TBCD: variants seen among roughly 807,000 people sequenced by gnomAD.
TBCD encodes the protein tubulin-specific chaperone D.
TBCD carries 105 observed loss-of-function variants against 169.3 expected under a neutral mutation model. The observed-to-expected ratio is 0.62, with a 90% CI of 0.53 to 0.73. The LOEUF is 0.73. Ranked by LOEUF, TBCD falls within the 30% of genes least tolerant of loss-of-function variation. The pLI is 0.00. For synonymous variants in TBCD, 700 were observed against 643.9 expected, an observed-to-expected ratio of 1.09 and a Z score of -1.32; for missense variants, 1,444 against 1,600.1, an observed-to-expected ratio of 0.90 and a Z score of 1.66.
At chr17:82,793,356 C>T (rs1010665281) in intron 7 of TBCD, among the ~76,000 whole-genome samples, 3 of 152,176 alleles carry the variant, frequency 2.0e-5, no homozygotes, top group East Asian at 1.9e-4. Context: ...TGTTTCTGAG[C>T]GCTCTCCCGT....
In TBCD at chr17:82,789,293, C is replaced by A. The variant is rs1454610962; in HGVS notation, c.771+7572C>A. On this transcript the variant is annotated intron_variant, in intron 7 of 38. Transcript: ENST00000355528. The surrounding 1 kb of genome is among the most constrained non-coding windows in gnomAD (Gnocchi z 4.8). ...GGCGGGCACAGTGCCGTGAGTCTTA[C>A]AGAAACCTGCATGGTGAGCCGCACG... Among the ~76,000 whole-genome samples, 3 of 152,236 alleles carry A rather than the reference C, an allele frequency of 2.0e-5. No homozygotes were observed. Among genetic ancestry groups the A allele is most frequent in the African/African-American group, 7.2e-5 (3 of 41,464 alleles).
rs2053455089 is a variant in TBCD, at chr17:82,831,006, G to T, written c.1318+16072G>T. The T allele has an allele frequency of 3.1e-6, 5 of 1,613,826 alleles. No individual in the cohort carries two copies. Among genetic ancestry groups the T allele is most frequent in the Non-Finnish European group, 4.2e-6 (5 of 1,180,010 alleles). Reference sequence around the variant, plus strand: ...ACATTCCCTTGGAGGTTTTGAAAATGACATTTTCTTACCTTACTGGAGACT... The same window carrying T: ...ACATTCCCTTGGAGGTTTTGAAAATTACATTTTCTTACCTTACTGGAGACT... On this transcript the variant is annotated intron_variant, in intron 13 of 38. Transcript: ENST00000355528. This position sits in a 1 kb window ranked among gnomAD's most constrained non-coding sequence, Gnocchi z 4.6.
At chr17:82,796,929 G>C (rs1436169562) in intron 7 of TBCD, among the ~76,000 whole-genome samples, 1 of 152,216 alleles carries the variant, frequency 6.6e-6, no homozygotes, top group Non-Finnish European at 1.5e-5. Flanking sequence ...CGTGTGGTGG[G>C]CGACAGCAGG....
chr17:82,943,962 C>T lies in TBCD; in HGVS notation c.*1499C>T, dbSNP rs72861593. 0.11 allele frequency: 15,992 copies of T among 152,256 alleles called. 1,110 individuals are homozygous for T. The highest frequency in any genetic ancestry group is 0.25 in the South Asian group (1,225 of 4,810). The allele number at this position is 152,256 out of a possible 1,614,324, so 9.4% of individuals were successfully genotyped here. A position where few individuals can be genotyped will look rare whatever the true frequency, so the allele number is the denominator to read the frequency against. On this transcript the variant is annotated 3_prime_UTR_variant, in exon 39 of 39. Coordinates refer to ENST00000355528, the MANE Select transcript of TBCD (RefSeq NM_005993.5). The stretch of plus-strand genomic sequence containing the variant: ...GCTTGGCTCCTGTGGTCGGCACACA[C>T]GAGACTCTGGTTGCGCCTGCTGGGT...
chr17:82,859,625 CAA>C (rs2056600103), intron 13 of TBCD: 2 of 985,448 alleles, frequency 2.0e-6, no homozygotes, highest in Non-Finnish European at 1.2e-6. Context: ...GTAGTGAGGA[CAA>C]AGAGTGGAGG....
intron 14 of TBCD, chr17:82,877,018 T>C (rs779037474): frequency 2.4e-4 from 237 of 969,792 alleles, no homozygotes; most frequent in Non-Finnish European, 2.8e-4. Context: ...TCTTCTCTTT[T>C]TTCCATTCTT....
chr17:82,899,320 C>T (rs569527504), intron 17 of TBCD, among the ~76,000 whole-genome samples: 5 of 147,132 alleles, frequency 3.4e-5, no homozygotes, highest in South Asian at 2.2e-4. Flanking sequence ...GTGTCCTCAG[C>T]GCGCGCGTCC....
At chr17:82,772,296 G>GT (rs904299766) in intron 5 of TBCD, among the ~76,000 whole-genome samples, 156 bp from the exon 6 acceptor site, 38 of 151,568 alleles carry the variant, frequency 2.5e-4, no homozygotes, top group Admixed American at 1.3e-3. Context: ...TTGAAGAGAG[G>GT]TTTTTTTTTG....
At chr17:82,917,890 C>T (rs557449612) in intron 23 of TBCD, among the ~76,000 whole-genome samples, 31 of 151,984 alleles carry the variant, frequency 2.0e-4, no homozygotes, top group African/African-American at 7.2e-4. Context: ...TGGCCCCCGC[C>T]GCTCTGTCCC....
intron 13 of TBCD, among the ~76,000 whole-genome samples, chr17:82,850,032 G>GCTCTT (rs1411736533): frequency 2.0e-5 from 2 of 100,416 alleles, no homozygotes; most frequent in Non-Finnish European, 4.4e-5. Flanking sequence ...TGTTGGCTGT[G>GCTCTT]CTGTTGTTGG....
intron 6 of TBCD, among the ~76,000 whole-genome samples, chr17:82,772,842 G>A (rs2048374825): frequency 6.6e-6 from 1 of 152,108 alleles, no homozygotes; most frequent in Admixed American, 6.6e-5. Flanking sequence ...AACATCTCGG[G>A]CCGTCTCCCA....
In TBCD at chr17:82,890,671, G is replaced by T. The variant is rs979590067; in HGVS notation, c.1563+974G>T. ...TTTCTGTAGACGGAGCCCAGGAAGG[G>T]GCGTGACTACTTCTTGCTGGCCCGA... On this transcript the variant is annotated intron_variant, in intron 16 of 38. Transcript: ENST00000355528. The surrounding 1 kb of genome is among the most constrained non-coding windows in gnomAD (Gnocchi z 5.3). 2.6e-5 allele frequency among the ~76,000 whole-genome samples: 4 copies of T among 152,188 alleles called. No individual in the cohort carries two copies. Among genetic ancestry groups the T allele is most frequent in the Admixed American group, 2.6e-4 (4 of 15,292 alleles).
chr17:82,812,773 C>T (rs1305433435), intron 12 of TBCD, among the ~76,000 whole-genome samples: 1 of 152,174 alleles, frequency 6.6e-6, no homozygotes, highest in Non-Finnish European at 1.5e-5. Context: ...TGTCTCCTGA[C>T]CTTGTGATCA....
At chr17:82,887,803 T>A (rs1017527468) in intron 15 of TBCD, among the ~76,000 whole-genome samples, 3 of 152,232 alleles carry the variant, frequency 2.0e-5, no homozygotes, top group African/African-American at 7.2e-5. Flanking sequence ...CATGTGGTGA[T>A]ACGTCGTTGT....
At chr17:82,869,097 G>T (rs1382154338) in intron 13 of TBCD, among the ~76,000 whole-genome samples, 3 of 152,198 alleles carry the variant, frequency 2.0e-5, no homozygotes, top group Admixed American at 6.5e-5. Context: ...GCTGAGCTGG[G>T]TTGGAGGCTT....
chr17:82,779,240 G>A (rs1043718070), intron 6 of TBCD, among the ~76,000 whole-genome samples: 11 of 151,748 alleles, frequency 7.2e-5, no homozygotes, highest in African/African-American at 2.4e-4. Context: ...TTCTGACGTC[G>A]TGATTCACCT....
At chr17:82,904,490 T>C (rs1443533442) in intron 19 of TBCD, among the ~76,000 whole-genome samples, 1 of 152,232 alleles carries the variant, frequency 6.6e-6, no homozygotes, top group African/African-American at 2.4e-5. Flanking sequence ...AGGACTAACA[T>C]CACCTTGGAA....
Position 82,838,844 on chromosome 17 carries a change from A to AACGCTC in TBCD, c.1318+23913_1318+23918dup, listed in dbSNP as rs1199069434. ...AGTTACAGACCTGAGCTCGTAAACA[A>AACGCTC]ACGCTCACCACTTTACAGTCGCCGC... On this transcript the variant is annotated intron_variant, in intron 13 of 38. Coordinates refer to ENST00000355528, the MANE Select transcript of TBCD (RefSeq NM_005993.5). The AACGCTC allele has an allele frequency of 3.0e-6, 3 of 985,332 alleles. No individual in the cohort carries two copies. The African/African-American group carries it at 5.2e-5, about 17-fold the overall frequency. The allele number at this position is 985,332 out of a possible 1,614,324, so 61.0% of individuals were successfully genotyped here.
At chr17:82,904,743 G>A (rs2146763847) in intron 19 of TBCD, among the ~76,000 whole-genome samples, 1 of 152,220 alleles carries the variant, frequency 6.6e-6, no homozygotes, top group Middle Eastern at 3.4e-3. Flanking sequence ...ACATCCTGTG[G>A]GGGCTCGTTC....
Sources: gnomAD v4.1 joint callset for allele counts (sites outside exome capture counted in the v4.1 genomes callset) on GRCh38, gnomAD v4.1.1 for gene constraint, Gnocchi (gnomAD v3.1) non-coding constraint, MANE v1.5 for transcripts, NCBI Gene and HGNC (gene_info 2026-07-23, HGNC 2026-07-21) for gene names.